Variants in CSMD3 observed in about 807,000 individuals in gnomAD.
The protein encoded by CSMD3 is CUB and sushi domain-containing protein 3.
A neutral mutation model predicts 435.2 loss-of-function variants in CSMD3; 177 were observed. That is an observed-to-expected ratio of 0.41 (90% CI 0.36 to 0.46). The LOEUF (loss-of-function observed/expected upper bound fraction) is 0.46. Ranked by LOEUF, CSMD3 falls within the 20% of genes least tolerant of loss-of-function variation. CSMD3 has a pLI of 0.34. For missense variants in CSMD3, 4,265 were observed against 4,504.6 expected (o/e 0.95, Z 1.52); for synonymous variants, 1,656 against 1,520.5 (o/e 1.09, Z -2.07).
At chr8:112,768,090 T>G (rs11995039) in intron 13 of CSMD3, among the ~76,000 whole-genome samples, 1 of 151,678 alleles carries the variant, frequency 6.6e-6, no homozygotes, top group Non-Finnish European at 1.5e-5. Context: ...ATTTGACATA[T>G]AGTTTATGTT....
rs558533994 is a variant in CSMD3, at chr8:112,506,829, G to A, written c.4757C>T (p.Ala1586Val). ...TCCTGTTAAATTGCCTCCACAGGGT[G>A]CTTTAATTTAAACAAACAAATAAAA... Reference protein sequence around the residue: ...FWQPSPPVCIAPCGGNLTGSS... With the variant: ...FWQPSPPVCIVPCGGNLTGSS... Residue 1586 changes from alanine to valine, a missense_variant and splice_region_variant, in exon 29 of 71, where the codon GCA becomes GTA. Coordinates refer to ENST00000297405, the MANE Select transcript of CSMD3 (RefSeq NM_198123.2). 1 of 1,611,284 alleles carries A rather than the reference G, an allele frequency of 6.2e-7. No individual in the cohort carries two copies. Among genetic ancestry groups the A allele is most frequent in the Non-Finnish European group, 8.5e-7 (1 of 1,178,142 alleles).
At chr8:113,183,998 C>A (rs2092461375) in intron 3 of CSMD3, among the ~76,000 whole-genome samples, 1 of 151,864 alleles carries the variant, frequency 6.6e-6, no homozygotes, top group African/African-American at 2.4e-5. Context: ...GGGCTTAATC[C>A]CCAAGACTGA....
At chr8:112,954,604 G>GT in intron 8 of CSMD3, 80 bp downstream of exon 8, 1 of 833,994 alleles carries the variant, frequency 1.2e-6, no homozygotes, top group Non-Finnish European at 2.0e-6. Context: ...AAATATTTTG[G>GT]TAAAACACAT....
intron 27 of CSMD3, among the ~76,000 whole-genome samples, chr8:112,531,024 C>G (rs184312664): frequency 6.6e-6 from 1 of 151,968 alleles, no homozygotes; most frequent in Non-Finnish European, 1.5e-5. Flanking sequence ...ACATCAGCTG[C>G]GGGGGCCACA....
chr8:113,076,613 T>A (rs1220590861), intron 5 of CSMD3, among the ~76,000 whole-genome samples: 1 of 152,146 alleles, frequency 6.6e-6, no homozygotes, highest in Non-Finnish European at 1.5e-5. Flanking sequence ...TTATACATAT[T>A]AGAATGCTTT....
intron 8 of CSMD3, among the ~76,000 whole-genome samples, chr8:112,952,325 T>G (rs2130819834): frequency 6.6e-6 from 1 of 151,810 alleles, no homozygotes; most frequent in East Asian, 1.9e-4. Context: ...ATGTCCTCCA[T>G]GCTTATACTG....
chr8:112,304,742 T>C lies in CSMD3; in HGVS notation c.8245A>G (p.Asn2749Asp), dbSNP rs1821256559. Residue 2749 changes from asparagine to aspartate, a missense_variant, in exon 52 of 71, where the codon AAT (asparagine) becomes GAT (aspartate). By Grantham distance (23) the Asn-to-Asp change is conservative. Around this residue, in one of 3 missense-constraint regions of CSMD3, gnomAD observed 3,255 missense variants for 3,380.2 expected, o/e 0.96. Transcript: ENST00000297405. ...CLPNGTWSWR[N>D]ERPYCQIISC... ...TTACTTTGGCAATATGGTCTTTCAT[T>C]TCTCCAACTCCAAGTACCATTAGGA... is the stretch of plus-strand genomic sequence containing the variant. The C allele has an allele frequency of 4.3e-6, 7 of 1,613,582 alleles. No homozygotes were observed. The highest frequency in any genetic ancestry group is 5.9e-6 in the Non-Finnish European group (7 of 1,179,534).
intron 53 of CSMD3, among the ~76,000 whole-genome samples, chr8:112,300,013 G>C (rs886861666): frequency 2.0e-5 from 3 of 150,108 alleles, no homozygotes; most frequent in Admixed American, 6.7e-5. Flanking sequence ...CAATTCATGA[G>C]AGCACATGGC....
intron 15 of CSMD3, among the ~76,000 whole-genome samples, chr8:112,684,311 T>G (rs1473437060): frequency 6.6e-6 from 1 of 152,092 alleles, no homozygotes; most frequent in African/African-American, 2.4e-5. Context: ...TGCAATTACA[T>G]GTTTACAATT....
At chr8:112,375,116 A>C (rs1828819719) in intron 38 of CSMD3, among the ~76,000 whole-genome samples, 1 of 152,242 alleles carries the variant, frequency 6.6e-6, no homozygotes, top group Middle Eastern at 3.4e-3. Context: ...TCTTTCTTAC[A>C]TTTTTTAGTT....
At chr8:112,959,996 T>A (rs535764073) in intron 7 of CSMD3, among the ~76,000 whole-genome samples, 1 of 151,996 alleles carries the variant, frequency 6.6e-6, no homozygotes, top group South Asian at 2.1e-4. Context: ...AATTCTTAAC[T>A]ATTTAGGAGT....
chr8:112,350,189 T>C (rs959938123), intron 40 of CSMD3, among the ~76,000 whole-genome samples: 1 of 151,610 alleles, frequency 6.6e-6, no homozygotes, highest in Non-Finnish European at 1.5e-5. Context: ...CTACCCAATC[T>C]GGAGTGTTCT....
chr8:112,525,989 T>C (rs749310016), intron 27 of CSMD3, among the ~76,000 whole-genome samples: 2 of 148,800 alleles, frequency 1.3e-5, no homozygotes, highest in East Asian at 3.9e-4. Flanking sequence ...TTTCAAATTT[T>C]AATATTGTAC....
chr8:112,647,154 T>A (rs554285032), intron 19 of CSMD3, among the ~76,000 whole-genome samples: 129 of 152,312 alleles, frequency 8.5e-4, no homozygotes, highest in African/African-American at 3.0e-3. Context: ...TTTTTCCACA[T>A]TAAGAGTACT....
chr8:112,980,061 T>A (rs1053708920), intron 6 of CSMD3, among the ~76,000 whole-genome samples: 14 of 150,960 alleles, frequency 9.3e-5, no homozygotes, highest in African/African-American at 3.1e-4. Context: ...ATGTTAAATT[T>A]GAAATTTTAT....
intron 7 of CSMD3, among the ~76,000 whole-genome samples, chr8:112,967,006 A>T (rs1230502224): frequency 6.6e-6 from 1 of 151,906 alleles, no homozygotes; most frequent in Non-Finnish European, 1.5e-5. Context: ...GATCATCTTC[A>T]TCTAAGTTCT....
At chr8:113,387,192 AG>A (rs888121983) in intron 1 of CSMD3, among the ~76,000 whole-genome samples, 1 of 151,828 alleles carries the variant, frequency 6.6e-6, no homozygotes, top group African/African-American at 2.4e-5. Flanking sequence ...AGGATCCAAC[AG>A]TGTTGGAGGA....
chr8:112,641,786 C>T (rs2074835642), intron 20 of CSMD3, among the ~76,000 whole-genome samples: 1 of 151,956 alleles, frequency 6.6e-6, no homozygotes, highest in African/African-American at 2.4e-5. Context: ...ATGCAGTGAG[C>T]CAGGATCAGC....
At chr8:113,234,581 G>T (rs908324218) in intron 3 of CSMD3, among the ~76,000 whole-genome samples, 4 of 152,106 alleles carry the variant, frequency 2.6e-5, no homozygotes, top group Non-Finnish European at 4.4e-5. Context: ...AAGAATTCTA[G>T]GGCAATTCTA....
Sources: gnomAD v4.1 joint callset for allele counts (sites outside exome capture counted in the v4.1 genomes callset) on GRCh38, gnomAD v4.1.1 for gene constraint, gnomAD v4.1.1 regional missense constraint, MANE v1.5 for transcripts, NCBI Gene and HGNC (gene_info 2026-07-23, HGNC 2026-07-21) for gene names.